Variants in PARM1 observed in about 807,000 individuals in gnomAD.
PARM1 encodes WSC4, cell wall integrity and stress response component 4 homolog.
A neutral mutation model predicts 24.6 loss-of-function variants in PARM1; 14 were observed. That is an observed-to-expected ratio of 0.57 (90% CI 0.38 to 0.89). The LOEUF (loss-of-function observed/expected upper bound fraction) is 0.89, where lower values mean the gene tolerates loss of function less well. Ranked by LOEUF, PARM1 falls within the 40% of genes least tolerant of loss-of-function variation. The pLI is 0.00. For missense variants in PARM1, 362 were observed against 380.4 expected (o/e 0.95, Z 0.40); for synonymous variants, 179 against 156.6 (o/e 1.14, Z -1.07).
At chr4:74,940,658 C>T (rs1453609790) in intron 1 of PARM1, among the ~76,000 whole-genome samples, 2 of 152,108 alleles carry the variant, frequency 1.3e-5, no homozygotes, top group Admixed American at 6.5e-5. Context: ...AGCACAATCC[C>T]ACAGATAGAC....
intron 2 of PARM1, among the ~76,000 whole-genome samples, chr4:75,016,173 A>AAATAAAGG (rs1560793150): frequency 6.6e-6 from 1 of 152,066 alleles, no homozygotes; most frequent in African/African-American, 2.4e-5. Context: ...TGAGTTGCAG[A>AAATAAAGG]AAATAAAGGA....
At chr4:75,019,876 G>A (rs536449959) in intron 2 of PARM1, among the ~76,000 whole-genome samples, 25 of 150,548 alleles carry the variant, frequency 1.7e-4, no homozygotes, top group African/African-American at 5.3e-4. Context: ...GGTGGCGGGC[G>A]CCTGTAGTCC....
At chr4:74,959,455 G>A (rs1208521688) in intron 1 of PARM1, among the ~76,000 whole-genome samples, 1 of 152,130 alleles carries the variant, frequency 6.6e-6, no homozygotes, top group Admixed American at 6.5e-5. Context: ...GGGTTCTGAT[G>A]TTCCACTCAG....
In PARM1 at chr4:75,012,826, A is replaced by G; in HGVS notation, c.445A>G (p.Ile149Val). 1.2e-6 allele frequency: 2 copies of G among 1,613,776 alleles called. No individual in the cohort carries two copies. The highest frequency in any genetic ancestry group is 1.7e-6 in the Non-Finnish European group (2 of 1,179,828). Residue 149 changes from isoleucine (I) to valine (V), a missense_variant, in exon 2 of 4, where the codon ATC becomes GTC. Ile to Val is a conservative substitution (Grantham distance 29). Coordinates refer to ENST00000307428, the MANE Select transcript of PARM1 (RefSeq NM_015393.4). ...GTCCGCTGCTGAGCCTCCCACACTC[A>G]TCTCCCCTCAAGCTCCAGCCTCATC... ...SQSAAEPPTL[I>V]SPQAPASSPS...
intron 2 of PARM1, among the ~76,000 whole-genome samples, chr4:75,030,637 A>G (rs1723257242): frequency 6.6e-6 from 1 of 152,196 alleles, no homozygotes; most frequent in African/African-American, 2.4e-5. Flanking sequence ...TGTATCTGGG[A>G]TTATAAAATA....
At chr4:75,006,387 G>A (rs989375356) in intron 1 of PARM1, among the ~76,000 whole-genome samples, 1 of 150,600 alleles carries the variant, frequency 6.6e-6, no homozygotes, top group African/African-American at 2.4e-5. Context: ...GTGAGAACAT[G>A]TGGAGTTTGG....
At chr4:74,951,438 C>CTATT (rs1288242775) in intron 1 of PARM1, among the ~76,000 whole-genome samples, 5 of 152,084 alleles carry the variant, frequency 3.3e-5, no homozygotes, top group Non-Finnish European at 7.4e-5. Context: ...GACCCACTTT[C>CTATT]TATTTTTCTT....
chr4:75,018,619 T>C (rs1196594428), intron 2 of PARM1, among the ~76,000 whole-genome samples: 1 of 152,198 alleles, frequency 6.6e-6, no homozygotes, highest in African/African-American at 2.4e-5. Flanking sequence ...TAATTATTTA[T>C]TACAATTATC....
At chr4:75,000,556 AAGAATAG>A (rs1560788099) in intron 1 of PARM1, among the ~76,000 whole-genome samples, 1 of 152,172 alleles carries the variant, frequency 6.6e-6, no homozygotes, top group Non-Finnish European at 1.5e-5. Context: ...AGGAGGAGGA[AAGAATAG>A]TCACCAAGAG....
chr4:74,953,321 A>G lies in PARM1; in HGVS notation c.43+19951A>G, dbSNP rs145778957. Among the ~76,000 whole-genome samples the G allele has an allele frequency of 1.8e-4, 27 of 152,358 alleles. No individual in the cohort carries two copies. In the East Asian group the frequency reaches 5.0e-3, roughly 28 times the overall value. ...TAAGAAAAAATGAGAGATCTGCTGTATAAAGCCTTTATTGATATGAGTTAT... is the reference window on the plus strand; with the variant it reads ...TAAGAAAAAATGAGAGATCTGCTGTGTAAAGCCTTTATTGATATGAGTTAT... On this transcript the variant is annotated intron_variant, in intron 1 of 3. Coordinates refer to ENST00000307428, the MANE Select transcript of PARM1 (RefSeq NM_015393.4).
chr4:75,012,038 C>T (rs563470383), intron 1 of PARM1, among the ~76,000 whole-genome samples: 15 of 152,328 alleles, frequency 9.8e-5, no homozygotes, highest in Admixed American at 3.3e-4. Flanking sequence ...ACACTCCCAT[C>T]GTTCCTACAG....
chr4:75,046,393 C>T lies in PARM1; in HGVS notation c.*146C>T, dbSNP rs1560397307. 7.0e-6 allele frequency: 4 copies of T among 567,624 alleles called. No homozygotes were observed. Among genetic ancestry groups the T allele is most frequent in the Non-Finnish European group, 1.3e-5 (4 of 315,258 alleles). The allele number at this position is 567,624 out of a possible 1,614,324, so 35.2% of individuals were successfully genotyped here. ...GGTTGTTTTTGTTTTCCTCCCTCTC[C>T]TCTGGCTGCTACAACTTCCCCTTTC... On this transcript the variant is annotated 3_prime_UTR_variant, in exon 4 of 4. Coordinates refer to ENST00000307428, the MANE Select transcript of PARM1 (RefSeq NM_015393.4).
intron 2 of PARM1, 128 bp downstream of exon 2, chr4:75,013,278 A>C: frequency 9.9e-7 from 1 of 1,006,624 alleles, no homozygotes; most frequent in South Asian, 1.7e-5. Flanking sequence ...TATAATTCAC[A>C]AGAATTTCCA....
intron 3 of PARM1, among the ~76,000 whole-genome samples, chr4:75,039,467 G>C (rs181387224): frequency 6.6e-6 from 1 of 152,254 alleles, no homozygotes; most frequent in East Asian, 1.9e-4. Context: ...CTGGGATGTG[G>C]AGCTTGCAGT....
At position 75,047,218 on chromosome 4, in the gene PARM1, C is replaced by T. The variant is rs1400620430; in HGVS notation, c.*971C>T. ...GCCCAGAGACCGTTTGCTTTATACCCACACAGCAACTGGTCCACTGCTTTA... is the reference window on the plus strand; with the variant it reads ...GCCCAGAGACCGTTTGCTTTATACCTACACAGCAACTGGTCCACTGCTTTA... On this transcript the variant is annotated 3_prime_UTR_variant, in exon 4 of 4. Coordinates refer to ENST00000307428, the MANE Select transcript of PARM1 (RefSeq NM_015393.4). 2 of 152,276 alleles carry T rather than the reference C, an allele frequency of 1.3e-5. No homozygotes were observed. Among genetic ancestry groups the T allele is most frequent in the East Asian group, 3.9e-4 (2 of 5,178 alleles). The allele number at this position is 152,276 out of a possible 1,614,324, so 9.4% of individuals were successfully genotyped here.
At chr4:74,975,811 T>C (rs1722130699) in intron 1 of PARM1, among the ~76,000 whole-genome samples, 3 of 152,084 alleles carry the variant, frequency 2.0e-5, no homozygotes, top group African/African-American at 7.2e-5. Flanking sequence ...GGGGGCAAGA[T>C]GGCTGACTAG....
chr4:74,977,150 AACAAACTT>A (rs1229227464), intron 1 of PARM1, among the ~76,000 whole-genome samples: 4 of 152,234 alleles, frequency 2.6e-5, no homozygotes, highest in Non-Finnish European at 4.4e-5. Context: ...GGTGGGTAAT[AACAAACTT>A]TACTGAGCTA....
intron 1 of PARM1, among the ~76,000 whole-genome samples, chr4:74,936,265 A>G (rs1434479232): frequency 6.6e-6 from 1 of 152,144 alleles, no homozygotes; most frequent in Non-Finnish European, 1.5e-5. Flanking sequence ...GATAAGGCAT[A>G]TTGGAGTACT....
At chr4:74,946,994 C>T (rs1362567571) in intron 1 of PARM1, among the ~76,000 whole-genome samples, 2 of 152,102 alleles carry the variant, frequency 1.3e-5, no homozygotes, top group African/African-American at 4.8e-5. Context: ...GGATAATTTT[C>T]TCTAGGGTTA....
Sources: allele counts gnomAD v4.1 joint callset (sites outside exome capture counted in the v4.1 genomes callset), GRCh38; gene constraint gnomAD v4.1.1; transcripts MANE v1.5; gene names NCBI Gene and HGNC (gene_info 2026-07-23, HGNC 2026-07-21).